Variants in ASAP1 observed in about 807,000 individuals in gnomAD.
ASAP1 encodes ArfGAP with SH3 domain, ankyrin repeat and PH domain 1, also known as arf-GAP with SH3 domain, ANK repeat and PH domain-containing protein 1.
A neutral mutation model predicts 145.2 loss-of-function variants in ASAP1; 43 were observed. That is an observed-to-expected ratio of 0.30 (90% CI 0.23 to 0.38). The LOEUF is 0.38. Among genes scored for constraint, ASAP1 ranks in the 10% least tolerant of loss-of-function variants. ASAP1 has a pLI of 1.00. For missense variants in ASAP1, 1,018 were observed against 1,355.3 expected, an observed-to-expected ratio of 0.75 and a Z score of 3.91; for synonymous variants, 546 against 515.5, an observed-to-expected ratio of 1.06 and a Z score of -0.80.
At chr8:130,432,353 G>C (rs1587042915) in intron 1 of ASAP1, among the ~76,000 whole-genome samples, 1 of 152,158 alleles carries the variant, frequency 6.6e-6, no homozygotes, top group Non-Finnish European at 1.5e-5. Context: ...GGTAGGGAAA[G>C]GGCATTTTGG....
At position 130,222,199 on chromosome 8, in the gene ASAP1, A is replaced by G. The variant is rs915075509; in HGVS notation, c.260-7498T>C. Among the ~76,000 whole-genome samples, 77 of 152,228 alleles carry G rather than the reference A, an allele frequency of 5.1e-4. 5 individuals are homozygous for G. The highest frequency in any genetic ancestry group is 1.0e-4 in the Non-Finnish European group (7 of 68,032). On this transcript the variant is annotated intron_variant, in intron 4 of 29. Transcript: ENST00000518721. ...TTCATCCAATGAGGCCTTCCTCAAA[A>G]CTTTCAGAACCACAGCAATTATTAA...
intron 13 of ASAP1, among the ~76,000 whole-genome samples, chr8:130,137,756 T>C (rs1362444149): frequency 6.6e-6 from 1 of 152,198 alleles, no homozygotes; most frequent in African/African-American, 2.4e-5. Flanking sequence ...TGGTCACACA[T>C]ATAAAACAGA....
At chr8:130,250,435 C>A (rs186964666) in intron 3 of ASAP1, among the ~76,000 whole-genome samples, 22 of 152,250 alleles carry the variant, frequency 1.4e-4, no homozygotes, top group Admixed American at 5.2e-4. Context: ...TTGTCACGTC[C>A]AAGTATGGCG....
chr8:130,342,242 C>T (rs761683390), intron 3 of ASAP1, among the ~76,000 whole-genome samples: 6 of 152,116 alleles, frequency 3.9e-5, no homozygotes, highest in African/African-American at 7.2e-5. Context: ...GACCACAGAC[C>T]TCAGAGACAC....
chr8:130,207,443 C>G (rs1380068426), intron 5 of ASAP1, among the ~76,000 whole-genome samples: 1 of 152,164 alleles, frequency 6.6e-6, no homozygotes, highest in Admixed American at 6.6e-5. Flanking sequence ...AATGGCAACT[C>G]CAAGAGGATA....
intron 1 of ASAP1, among the ~76,000 whole-genome samples, chr8:130,430,630 G>T (rs1027618135): frequency 7.9e-5 from 12 of 152,198 alleles, no homozygotes; most frequent in African/African-American, 2.9e-4. Context: ...CAGAGGATGG[G>T]CTGAGGGCAG....
chr8:130,072,825 G>GTGTGTGTGTGTGCGCGCA, intron 27 of ASAP1, among the ~76,000 whole-genome samples: 1 of 54,114 alleles, frequency 1.8e-5, no homozygotes, highest in African/African-American at 9.1e-5. Flanking sequence ...GTGTGTGTGT[G>GTGTGTGTGTGTGCGCGCA]CGCGCGGGGG....
intron 3 of ASAP1, among the ~76,000 whole-genome samples, chr8:130,241,161 C>T (rs1048251398): frequency 3.3e-5 from 5 of 152,064 alleles, no homozygotes; most frequent in Non-Finnish European, 7.4e-5. Flanking sequence ...TAGAACTCTT[C>T]CCCAAAGCTC....
intron 1 of ASAP1, among the ~76,000 whole-genome samples, chr8:130,419,293 GCTTAAAACCATCCCCATCGT>G: frequency 6.6e-6 from 1 of 152,326 alleles, no homozygotes; most frequent in East Asian, 1.9e-4. Flanking sequence ...GGCCTCACTG[GCTTAAAACCATCCCCATCGT>G]CTGCCACTAA....
At chr8:130,340,394 C>T (rs373614908) in intron 3 of ASAP1, among the ~76,000 whole-genome samples, 1 of 152,292 alleles carries the variant, frequency 6.6e-6, no homozygotes, top group African/African-American at 2.4e-5. Context: ...CAGAAATAAA[C>T]ACAAATTAAC....
Position 130,097,126 on chromosome 8 carries a change from C to CAAAAAAAAA in ASAP1, c.2402-4992_2402-4984dup, listed in dbSNP as rs61591724. ...AGGAGACAGAGTGACAGTTAGTCTC[C>CAAAAAAAAA]AAAAAAAAAAAAAAAAAAAAAAAAA... On this transcript the variant is annotated intron_variant, in intron 24 of 29. Coordinates refer to ENST00000518721, the MANE Select transcript of ASAP1 (RefSeq NM_018482.4). Among the ~76,000 whole-genome samples, 21 of 53,590 alleles carry CAAAAAAAAA rather than the reference C, an allele frequency of 3.9e-4. 2 individuals are homozygous for CAAAAAAAAA. Among genetic ancestry groups the CAAAAAAAAA allele is most frequent in the East Asian group, 8.5e-4 (1 of 1,180 alleles). The allele number at this position is 53,590 out of a possible 152,430, so 35.2% of individuals were successfully genotyped here. A position where few individuals can be genotyped will look rare whatever the true frequency, so the allele number is the denominator to read the frequency against.
intron 13 of ASAP1, among the ~76,000 whole-genome samples, chr8:130,151,274 G>A (rs2135945705): frequency 6.7e-6 from 1 of 149,200 alleles, no homozygotes; most frequent in African/African-American, 2.5e-5. Context: ...AAGAGGCTGA[G>A]GCAGGAGACT....
chr8:130,156,124 T>A (rs923439852), intron 12 of ASAP1, among the ~76,000 whole-genome samples: 2 of 152,218 alleles, frequency 1.3e-5, no homozygotes, highest in African/African-American at 4.8e-5. Flanking sequence ...CATAAAGTTT[T>A]AAAAAATTAT....
chr8:130,289,509 G>T (rs749799738), intron 3 of ASAP1, among the ~76,000 whole-genome samples: 13 of 152,180 alleles, frequency 8.5e-5, no homozygotes, highest in Non-Finnish European at 1.5e-4. Flanking sequence ...CCTTAGGGAG[G>T]CAGCTACCTT....
chr8:130,288,558 C>A (rs757521119), intron 3 of ASAP1, among the ~76,000 whole-genome samples: 2 of 152,178 alleles, frequency 1.3e-5, no homozygotes, highest in Non-Finnish European at 2.9e-5. Context: ...GACTGCATAT[C>A]CATTAAACAA....
chr8:130,412,364 C>T (rs933662873), intron 1 of ASAP1, among the ~76,000 whole-genome samples: 3 of 152,068 alleles, frequency 2.0e-5, no homozygotes, highest in African/African-American at 7.2e-5. Context: ...AGTGACTTTC[C>T]GTGAGATGTG....
In ASAP1 at chr8:130,240,924, A is replaced by G. The variant is rs570525677; in HGVS notation, c.187-3930T>C. 2.2e-4 allele frequency among the ~76,000 whole-genome samples: 33 copies of G among 152,262 alleles called. 1 individual carries two copies. The highest frequency in any genetic ancestry group is 2.1e-3 in the South Asian group (10 of 4,830). The stretch of plus-strand genomic sequence containing the variant: ...GGCTGCTAGGAAGCCATACTGACAG[A>G]GGCACTACATGAGAGCTGACAGCCA... On this transcript the variant is annotated intron_variant, in intron 3 of 29. Coordinates refer to ENST00000518721, the MANE Select transcript of ASAP1 (RefSeq NM_018482.4).
chr8:130,326,100 T>C (rs1173042134), intron 3 of ASAP1, among the ~76,000 whole-genome samples: 3 of 152,194 alleles, frequency 2.0e-5, no homozygotes, highest in African/African-American at 7.2e-5. Flanking sequence ...TCTATAGTTC[T>C]AAGTAGTAGA....
intron 5 of ASAP1, among the ~76,000 whole-genome samples, chr8:130,207,034 A>C (rs1156923291): frequency 1.3e-5 from 2 of 152,226 alleles, no homozygotes; most frequent in African/African-American, 4.8e-5. Context: ...ACATTTAATC[A>C]AACATATAAC....
Sources: gnomAD v4.1 joint callset for allele counts (sites outside exome capture counted in the v4.1 genomes callset) on GRCh38, gnomAD v4.1.1 for gene constraint, MANE v1.5 for transcripts, NCBI Gene and HGNC (gene_info 2026-07-23, HGNC 2026-07-21) for gene names.